Variants in ANKRD30BL observed in about 807,000 individuals in gnomAD.
ANKRD30BL encodes putative ankyrin repeat domain-containing protein 30B-like.
In ANKRD30BL, 20 loss-of-function variants were observed where a neutral mutation model predicts 18.4. The observed-to-expected ratio is 1.09, with a 90% CI of 0.77 to 1.58. ANKRD30BL has a LOEUF of 1.58. ANKRD30BL is among the 40% of genes most tolerant of loss of function. ANKRD30BL has a pLI of 0.00. For missense variants in ANKRD30BL, 224 were observed against 268.6 expected, an observed-to-expected ratio of 0.83 and a Z score of 1.16; for synonymous variants, 72 against 100.9, an observed-to-expected ratio of 0.71 and a Z score of 1.72.
intron 1 of ANKRD30BL, among the ~76,000 whole-genome samples, chr2:132,210,594 T>C (rs1330722459): frequency 6.6e-6 from 1 of 151,936 alleles, no homozygotes; most frequent in Non-Finnish European, 1.5e-5. Context: ...GATGTGTGCA[T>C]TCATCTCACA....
intron 1 of ANKRD30BL, among the ~76,000 whole-genome samples, chr2:132,198,318 TTCTTTC>T (rs1310870782): frequency 0.099 from 1,087 of 10,930 alleles, 52 homozygotes; most frequent in East Asian, 0.16. Flanking sequence ...CTTTCTTTCT[TTCTTTC>T]TTTTTTTTTT....
At chr2:132,177,904 T>C (rs1688393535) in intron 1 of ANKRD30BL, among the ~76,000 whole-genome samples, 1 of 152,150 alleles carries the variant, frequency 6.6e-6, no homozygotes, top group Non-Finnish European at 1.5e-5. Flanking sequence ...TTTTGTTTGG[T>C]TTTTTTGTTT....
chr2:132,245,686 ACTTTT>A (rs913910297), intron 1 of ANKRD30BL, among the ~76,000 whole-genome samples: 2 of 152,270 alleles, frequency 1.3e-5, no homozygotes, highest in African/African-American at 4.8e-5. Context: ...ACAGAGTTGA[ACTTTT>A]CTTTTAATAG....
chr2:132,221,641 GT>G (rs1300520695), intron 1 of ANKRD30BL, among the ~76,000 whole-genome samples: 1 of 121,698 alleles, frequency 8.2e-6, no homozygotes, highest in South Asian at 2.6e-4. Context: ...CGGGAGGGAG[GT>G]GGGGGGTTCA....
At chr2:132,164,457 A>T (rs1573809765), upstream of ANKRD30BL, among the ~76,000 whole-genome samples, 1 of 151,086 alleles carries the variant, frequency 6.6e-6, no homozygotes, top group East Asian at 2.0e-4. Context: ...TGCCCAGCTA[A>T]TTTTTGTCTT....
At chr2:132,236,034 A>G (rs370332945) in intron 1 of ANKRD30BL, among the ~76,000 whole-genome samples, 7 of 152,092 alleles carry the variant, frequency 4.6e-5, no homozygotes, top group African/African-American at 1.7e-4. Flanking sequence ...AAATAATGCC[A>G]CATATCCACA....
chr2:132,157,657 C>T (rs1687947313), intron 1 of ANKRD30BL, among the ~76,000 whole-genome samples: 1 of 152,168 alleles, frequency 6.6e-6, no homozygotes, highest in Non-Finnish European at 1.5e-5. Context: ...TCAACTTGGG[C>T]TTGAATATTA....
chr2:132,199,167 T>C (rs7576765), intron 1 of ANKRD30BL, among the ~76,000 whole-genome samples: 17,012 of 151,892 alleles, frequency 0.11, 3,154 homozygotes, highest in African/African-American at 0.39. Flanking sequence ...TTGGCCAAGA[T>C]GGTGAAACCC....
chr2:132,218,402 A>T (rs62165490), intron 1 of ANKRD30BL, among the ~76,000 whole-genome samples: 8,868 of 149,942 alleles, frequency 0.059, 236 homozygotes, highest in South Asian at 0.12. Context: ...CTCTTTTTGT[A>T]GAATCTGAGA....
intron 1 of ANKRD30BL, among the ~76,000 whole-genome samples, chr2:132,194,224 C>T (rs907211682): frequency 1.3e-5 from 2 of 152,088 alleles, no homozygotes; most frequent in African/African-American, 4.8e-5. Context: ...CTAAGGTTCC[C>T]CTTGGAAAAG....
At chr2:132,183,181 A>C (rs1284969540) in intron 1 of ANKRD30BL, among the ~76,000 whole-genome samples, 5 of 148,414 alleles carry the variant, frequency 3.4e-5, no homozygotes, top group African/African-American at 1.3e-4. Context: ...CCCAGGCTGG[A>C]GTGCAGTGGC....
chr2:132,251,748 C>T (rs1233194478), intron 1 of ANKRD30BL, among the ~76,000 whole-genome samples: 1 of 152,204 alleles, frequency 6.6e-6, no homozygotes, highest in African/African-American at 2.4e-5. Context: ...TTTTCCACAG[C>T]TTGGTTTTCA....
chr2:132,256,890 G>A (rs796551915), intron 1 of ANKRD30BL: 1 of 451,234 alleles, frequency 2.2e-6, no homozygotes, highest in Non-Finnish European at 4.4e-6. Context: ...CGGGCAGGGT[G>A]GGGGGCACAG....
intron 1 of ANKRD30BL, among the ~76,000 whole-genome samples, chr2:132,237,315 A>T (rs1248217403): frequency 6.6e-6 from 1 of 151,908 alleles, no homozygotes; most frequent in African/African-American, 2.4e-5. Context: ...CTCACAAACT[A>T]CTTTGTGATG....
chr2:132,247,993 A>T (rs112639807), intron 1 of ANKRD30BL, among the ~76,000 whole-genome samples: 184 of 152,166 alleles, frequency 1.2e-3, no homozygotes, highest in Admixed American at 2.6e-3. Context: ...CTACAATAAG[A>T]CTTTTTCCAA....
At position 132,150,925 on chromosome 2, in the gene ANKRD30BL, T is replaced by G. The variant is rs565257610; in HGVS notation, c.666A>C (p.Gln222His). ...EYKQKISKNS[Q>H]NSNPEGTSEG... Reference sequence around the variant, plus strand: ...CAGAGGTCTTACCTGGATTACTATTTTGAGAATTTTTAGATATCTTTTGTT... The same window carrying G: ...CAGAGGTCTTACCTGGATTACTATTGTGAGAATTTTTAGATATCTTTTGTT... Residue 222 changes from glutamine (Q) to histidine (H), a missense_variant, in exon 5 of 6, where the codon CAA (glutamine) becomes CAC (histidine). Gln to His is a conservative substitution (Grantham distance 24). Around this residue, in one of 3 missense-constraint regions of ANKRD30BL, gnomAD observed 63 missense variants for 62.3 expected, o/e 1.01. Transcript: ENST00000409867. 4.3e-5 allele frequency: 27 copies of G among 628,868 alleles called. No individual in the cohort carries two copies. In the Admixed American group the frequency reaches 5.9e-4, roughly 14 times the overall value. The allele number at this position is 628,868 out of a possible 1,614,324, so 39.0% of individuals were successfully genotyped here. A position where few individuals can be genotyped will look rare whatever the true frequency, so the allele number is the denominator to read the frequency against.
chr2:132,253,791 GC>G (rs1298605817), intron 1 of ANKRD30BL, among the ~76,000 whole-genome samples: 3 of 151,970 alleles, frequency 2.0e-5, no homozygotes, highest in South Asian at 2.1e-4. Context: ...TACCTGGATG[GC>G]GGGGGCGGAT....
In ANKRD30BL at chr2:132,154,036, G is replaced by A. The variant is rs1048598075; in HGVS notation, c.614+626C>T. ...TGTACTTCAAAGTTAGCTAGAAGTC[G>A]GACAAGTGAGAGCAATCTGAAGACT... On this transcript the variant is annotated intron_variant, in intron 4 of 5. Transcript: ENST00000409867. Among the ~76,000 whole-genome samples, 11 of 152,222 alleles carry A rather than the reference G, an allele frequency of 7.2e-5. No homozygotes were observed. In the East Asian group the frequency reaches 7.7e-4, roughly 11 times the overall value.
intron 1 of ANKRD30BL, among the ~76,000 whole-genome samples, chr2:132,203,716 A>T (rs1679155138): frequency 6.6e-6 from 1 of 152,016 alleles, no homozygotes; most frequent in Admixed American, 6.6e-5. Flanking sequence ...TAATACTTTT[A>T]GGTAGAATAA....
Sources: gnomAD v4.1 joint callset for allele counts (sites outside exome capture counted in the v4.1 genomes callset) on GRCh38, gnomAD v4.1.1 for gene constraint, gnomAD v4.1.1 regional missense constraint, MANE v1.5 for transcripts, NCBI Gene and HGNC (gene_info 2026-07-23, HGNC 2026-07-21) for gene names.